The following PLSCR2 variants were observed in gnomAD, a reference collection of about 807,000 sequenced individuals.
PLSCR2 encodes the protein phospholipid scramblase 2.
PLSCR2 carries 18 observed loss-of-function variants against 25.3 expected under a neutral mutation model. The observed-to-expected ratio is 0.71, with a 90% CI of 0.49 to 1.06. The LOEUF (loss-of-function observed/expected upper bound fraction) is 1.06, where lower values mean the gene tolerates loss of function less well. Among genes scored for constraint, PLSCR2 ranks in the 50% least tolerant of loss-of-function variants. The pLI is 0.00. For synonymous variants in PLSCR2, 88 were observed against 87.3 expected (o/e 1.01, Z -0.04); for missense variants, 243 against 269.5 (o/e 0.90, Z 0.69).
chr3:146,478,618 T>G (rs536343249), intron 1 of PLSCR2, among the ~76,000 whole-genome samples: 3 of 152,360 alleles, frequency 2.0e-5, no homozygotes, highest in African/African-American at 7.2e-5. Flanking sequence ...CTACATCTGA[T>G]TGGTGTACCT....
intron 2 of PLSCR2, among the ~76,000 whole-genome samples, chr3:146,408,222 A>G (rs554551553): frequency 2.6e-5 from 4 of 152,168 alleles, no homozygotes; most frequent in Non-Finnish European, 5.9e-5. Context: ...AGTCTCTTAG[A>G]TAAATAGGCC....
exon 5 of PLSCR2, chr3:146,454,070 T>C (rs2108352846): frequency 6.2e-7 from 1 of 1,610,640 alleles, no homozygotes; most frequent in South Asian, 1.1e-5. Flanking sequence ...ACATCCTCTC[T>C]TTTCTGATTT....
chr3:146,485,492 A>G (rs1471185785), intron 1 of PLSCR2, among the ~76,000 whole-genome samples: 1 of 152,150 alleles, frequency 6.6e-6, no homozygotes, highest in African/African-American at 2.4e-5. Context: ...AGGCAACAGA[A>G]TATTCATTCT....
intron 1 of PLSCR2, among the ~76,000 whole-genome samples, chr3:146,472,718 C>T (rs770474465): frequency 4.6e-5 from 7 of 152,190 alleles, no homozygotes; most frequent in Non-Finnish European, 8.8e-5. Context: ...GGTGATTAGG[C>T]TTCAACATAT....
intron 4 of PLSCR2, 31 bp from the exon 5 acceptor site, chr3:146,454,194 A>G: frequency 2.1e-6 from 3 of 1,430,620 alleles, no homozygotes; most frequent in Non-Finnish European, 1.9e-6. Context: ...TGAACGTAAT[A>G]AATCATCATA....
intron 4 of PLSCR2, among the ~76,000 whole-genome samples, chr3:146,454,480 C>T (rs898818416): frequency 1.3e-5 from 2 of 152,126 alleles, no homozygotes; most frequent in African/African-American, 4.8e-5. Flanking sequence ...CAGTATTAGA[C>T]TTTAAATAAC....
At chr3:146,450,064 C>G (rs368605216) in intron 5 of PLSCR2, among the ~76,000 whole-genome samples, 1 of 152,090 alleles carries the variant, frequency 6.6e-6, no homozygotes, top group African/African-American at 2.4e-5. Context: ...AAAAATTCTG[C>G]TGAGGAAAAC....
intron 2 of PLSCR2, among the ~76,000 whole-genome samples, chr3:146,423,663 G>C (rs1219869300): frequency 6.6e-6 from 1 of 151,984 alleles, no homozygotes; most frequent in African/African-American, 2.4e-5. Context: ...AAAATAGGTA[G>C]ATTATCCTGC....
At chr3:146,426,226 CCTCCTTCCCTCCCTCTCTCCCTCT>C (rs1481365463) in intron 2 of PLSCR2, among the ~76,000 whole-genome samples, 1 of 144,338 alleles carries the variant, frequency 6.9e-6, no homozygotes, top group Non-Finnish European at 1.5e-5. Context: ...TCCTTCCCTC[CCTCCTTCCCTCCCTCTCTCCCTCT>C]CTCCCTCCTT....
intron 2 of PLSCR2, among the ~76,000 whole-genome samples, chr3:146,412,730 C>T (rs542089847): frequency 4.6e-5 from 7 of 152,078 alleles, no homozygotes; most frequent in East Asian, 1.9e-4. Context: ...TTATTCCTGA[C>T]GCAGATAGCC....
intron 1 of PLSCR2, among the ~76,000 whole-genome samples, chr3:146,467,851 A>T (rs1204785782): frequency 6.6e-6 from 1 of 152,204 alleles, no homozygotes; most frequent in African/African-American, 2.4e-5. Context: ...AGGGAAGCTC[A>T]CTAGTAGAAG....
upstream of PLSCR2, among the ~76,000 whole-genome samples, chr3:146,460,443 GAAA>G (rs59446001): frequency 3.8e-3 from 509 of 133,772 alleles, 1 homozygote; most frequent in Middle Eastern, 0.019. Context: ...GATGAAATTG[GAAA>G]AAAAAAAAAA....
intron 2 of PLSCR2, among the ~76,000 whole-genome samples, chr3:146,419,944 T>C (rs1483308531): frequency 1.3e-5 from 2 of 152,096 alleles, no homozygotes; most frequent in Non-Finnish European, 2.9e-5. Flanking sequence ...GATTGTGATT[T>C]GCACATCCTT....
At chr3:146,412,248 TG>T (rs1194403281) in intron 2 of PLSCR2, among the ~76,000 whole-genome samples, 1 of 152,140 alleles carries the variant, frequency 6.6e-6, no homozygotes, top group Non-Finnish European at 1.5e-5. Flanking sequence ...CCTACAGTAA[TG>T]TGGTCTCTGG....
chr3:146,480,918 G>A (rs189135897), intron 1 of PLSCR2, among the ~76,000 whole-genome samples: 10 of 152,138 alleles, frequency 6.6e-5, no homozygotes, highest in African/African-American at 2.4e-4. Context: ...GGGATGCAAG[G>A]GTGGTTCAAC....
downstream of PLSCR2, among the ~76,000 whole-genome samples, chr3:146,429,633 A>T (rs552168559): frequency 7.1e-4 from 106 of 149,560 alleles, no homozygotes; most frequent in African/African-American, 1.6e-3. Flanking sequence ...TTATTTATTT[A>T]TTTTTTTTTT....
intron 1 of PLSCR2, among the ~76,000 whole-genome samples, chr3:146,491,682 T>G (rs142030673): frequency 6.6e-6 from 1 of 152,212 alleles, no homozygotes; most frequent in Non-Finnish European, 1.5e-5. Flanking sequence ...CTGAAGTGAA[T>G]TTTTTATTTC....
intron 1 of PLSCR2, among the ~76,000 whole-genome samples, chr3:146,492,741 A>T (rs76153206): frequency 0.021 from 3,153 of 148,724 alleles, 84 homozygotes; most frequent in African/African-American, 0.062. Context: ...GAGGAATTTT[A>T]AAAAAAAAGA....
intron 6 of PLSCR2, among the ~76,000 whole-genome samples, chr3:146,445,954 A>C (rs1175471025): frequency 6.6e-6 from 1 of 152,104 alleles, no homozygotes; most frequent in Admixed American, 6.6e-5. Flanking sequence ...TCTTCATTAC[A>C]TCAATTGCAT....
Sources: gnomAD v4.1 joint callset for allele counts (sites outside exome capture counted in the v4.1 genomes callset) on GRCh38, gnomAD v4.1.1 for gene constraint, MANE v1.5 for transcripts, NCBI Gene and HGNC (gene_info 2026-07-23, HGNC 2026-07-21) for gene names.